Variants in ROBO2 observed in about 807,000 individuals in gnomAD.
ROBO2 encodes roundabout homolog 2.
ROBO2 carries 53 observed loss-of-function variants against 160.8 expected under a neutral mutation model. The observed-to-expected ratio is 0.33, with a 90% confidence interval of 0.26 to 0.41. ROBO2 has a LOEUF of 0.41. Ranked by LOEUF, ROBO2 falls within the 10% of genes least tolerant of loss-of-function variation. ROBO2 has a pLI of 1.00. For synonymous variants in ROBO2, 664 were observed against 611.7 expected (o/e 1.09, Z -1.26); for missense variants, 1,577 against 1,722.4 (o/e 0.92, Z 1.49).
chr3:77,280,139 T>C (rs2060148934), intron 2 of ROBO2, among the ~76,000 whole-genome samples: 1 of 152,148 alleles, frequency 6.6e-6, no homozygotes, highest in South Asian at 2.1e-4. Context: ...TCTCTTCACA[T>C]GTTCCATTCT....
intron 6 of ROBO2, among the ~76,000 whole-genome samples, chr3:77,524,679 T>C (rs1002005997): frequency 1.3e-5 from 2 of 151,396 alleles, no homozygotes; most frequent in African/African-American, 4.8e-5. Context: ...TTTTCATAAT[T>C]TGCTGAAAGT....
chr3:76,666,368 C>T (rs1339801279), intron 2 of ROBO2, among the ~76,000 whole-genome samples: 1 of 152,034 alleles, frequency 6.6e-6, no homozygotes, highest in Non-Finnish European at 1.5e-5. Flanking sequence ...GACATCAGTT[C>T]ACCGTGACCC....
chr3:76,757,387 T>C (rs896707770), intron 2 of ROBO2, among the ~76,000 whole-genome samples: 3 of 151,816 alleles, frequency 2.0e-5, no homozygotes, highest in Non-Finnish European at 4.4e-5. Context: ...GAAGAGTATA[T>C]GTAACTTAAG....
At chr3:76,222,044 T>C (rs181264436) in intron 2 of ROBO2, among the ~76,000 whole-genome samples, 17 of 152,150 alleles carry the variant, frequency 1.1e-4, no homozygotes, top group Admixed American at 3.9e-4. Flanking sequence ...TGCTGGCAGA[T>C]TGTATAATCT....
At chr3:77,609,578 C>T (rs995849685) in intron 21 of ROBO2, among the ~76,000 whole-genome samples, 1 of 151,750 alleles carries the variant, frequency 6.6e-6, no homozygotes, top group Admixed American at 6.6e-5. Context: ...TATACATAGA[C>T]TATGATAATT....
intron 2 of ROBO2, among the ~76,000 whole-genome samples, chr3:77,291,152 C>T (rs559582515): frequency 3.6e-4 from 52 of 144,890 alleles, no homozygotes; most frequent in Admixed American, 3.1e-3. Context: ...GATGGTTAAA[C>T]GGGAAGTTGA....
intron 2 of ROBO2, among the ~76,000 whole-genome samples, chr3:76,165,321 A>G (rs537502824): frequency 2.7e-5 from 4 of 149,622 alleles, no homozygotes; most frequent in African/African-American, 9.7e-5. Flanking sequence ...CTTCAACCTC[A>G]TGAGCTAATT....
At chr3:75,947,990 G>GA (rs1474408282) in intron 2 of ROBO2, among the ~76,000 whole-genome samples, 1 of 151,992 alleles carries the variant, frequency 6.6e-6, no homozygotes, top group African/African-American at 2.4e-5. Flanking sequence ...CATCTGATGG[G>GA]AAAAAATCTG....
At chr3:77,252,831 A>ATATATAT (rs1553872375) in intron 2 of ROBO2, among the ~76,000 whole-genome samples, 1 of 12,522 alleles carries the variant, frequency 8.0e-5, no homozygotes, top group African/African-American at 1.6e-4. Flanking sequence ...AAAAAAAAAA[A>ATATATAT]ATATATATAT....
intron 2 of ROBO2, among the ~76,000 whole-genome samples, chr3:77,346,215 T>C (rs1405196874): frequency 2.0e-5 from 3 of 152,168 alleles, no homozygotes; most frequent in South Asian, 2.1e-4. Flanking sequence ...TTGCTTAGTA[T>C]ATTTTAAATA....
At chr3:77,236,278 T>G (rs1176108205) in intron 2 of ROBO2, among the ~76,000 whole-genome samples, 1 of 152,196 alleles carries the variant, frequency 6.6e-6, no homozygotes, top group African/African-American at 2.4e-5. Context: ...GTTACCATGA[T>G]AAGATAAGAG....
chr3:75,937,891 A>ATG (rs369715198), intron 2 of ROBO2, among the ~76,000 whole-genome samples: 303 of 129,526 alleles, frequency 2.3e-3, no homozygotes, highest in Middle Eastern at 4.0e-3. Flanking sequence ...TTATGAGGCT[A>ATG]TGTGTGTGTG....
intron 2 of ROBO2, among the ~76,000 whole-genome samples, chr3:76,136,546 A>G (rs1403402976): frequency 1.3e-5 from 2 of 152,038 alleles, no homozygotes; most frequent in Non-Finnish European, 2.9e-5. Context: ...TTGCCAACAG[A>G]GTGGGGTATA....
chr3:76,491,266 A>T (rs985945858), intron 2 of ROBO2, among the ~76,000 whole-genome samples: 10 of 152,028 alleles, frequency 6.6e-5, no homozygotes, highest in Admixed American at 2.0e-4. Context: ...AATTTTTTTA[A>T]AAAAAAGTAA....
chr3:76,420,419 G>A (rs529866854), intron 2 of ROBO2, among the ~76,000 whole-genome samples: 8 of 152,250 alleles, frequency 5.3e-5, no homozygotes, highest in African/African-American at 1.2e-4. Flanking sequence ...AAATGATGAC[G>A]TGTTAAAATT....
At chr3:75,929,449 C>T (rs939935151) in intron 1 of ROBO2, among the ~76,000 whole-genome samples, 3 of 152,152 alleles carry the variant, frequency 2.0e-5, no homozygotes, top group Admixed American at 1.3e-4. Flanking sequence ...TAAAACAAAA[C>T]TTGCTTGATA....
At chr3:76,489,757 A>G (rs1361199855) in intron 2 of ROBO2, among the ~76,000 whole-genome samples, 1 of 152,060 alleles carries the variant, frequency 6.6e-6, no homozygotes, top group Non-Finnish European at 1.5e-5. Flanking sequence ...AAAGCTGCCA[A>G]AAGTACATAA....
chr3:76,472,545 T>A (rs1469212210), intron 2 of ROBO2, among the ~76,000 whole-genome samples: 1 of 152,160 alleles, frequency 6.6e-6, no homozygotes, highest in East Asian at 1.9e-4. Context: ...TTTTAAAAAG[T>A]GCTCTTAGGT....
intron 2 of ROBO2, among the ~76,000 whole-genome samples, chr3:76,798,312 G>GAAAGAA (rs1181745748): frequency 3.3e-5 from 5 of 149,278 alleles, no homozygotes; most frequent in African/African-American, 1.0e-4. Flanking sequence ...AAGAAAGAAA[G>GAAAGAA]AAAAAAGAAC....
Sources: gnomAD v4.1 joint callset for allele counts (sites outside exome capture counted in the v4.1 genomes callset) on GRCh38, gnomAD v4.1.1 for gene constraint, MANE v1.5 for transcripts, NCBI Gene and HGNC (gene_info 2026-07-23, HGNC 2026-07-21) for gene names.